The following LRRTM4 variants were observed in gnomAD, a reference collection of about 807,000 sequenced individuals.
The protein encoded by LRRTM4 is leucine rich repeat transmembrane neuronal 4.
LRRTM4 carries 25 observed loss-of-function variants against 47.6 expected under a neutral mutation model. The ratio of observed to expected loss-of-function variants is 0.53; its 90% CI spans 0.38 to 0.73. LRRTM4 has a LOEUF of 0.73. Among genes scored for constraint, LRRTM4 ranks in the 30% least tolerant of loss-of-function variants. The pLI is 0.00. For synonymous variants in LRRTM4, 311 were observed against 269.5 expected (o/e 1.15, Z -1.51); for missense variants, 638 against 713.4 (o/e 0.89, Z 1.20).
chr2:77,324,365 T>C (rs1298493565), intron 3 of LRRTM4, among the ~76,000 whole-genome samples: 1 of 152,142 alleles, frequency 6.6e-6, no homozygotes, highest in East Asian at 1.9e-4. Context: ...TAAGCTCATA[T>C]GCACACAAAT....
intron 3 of LRRTM4, among the ~76,000 whole-genome samples, chr2:77,008,185 T>A (rs1446703): frequency 0.43 from 65,766 of 151,976 alleles, 14,544 homozygotes; most frequent in East Asian, 0.66. Context: ...GCATATATTA[T>A]TCTCATCCCA....
chr2:77,034,016 C>T (rs115327878), intron 3 of LRRTM4, among the ~76,000 whole-genome samples: 2 of 151,434 alleles, frequency 1.3e-5, no homozygotes, highest in African/African-American at 2.4e-5. Context: ...GCTTAGTATA[C>T]CTTTATTATT....
chr2:76,787,311 C>G (rs555237899), intron 3 of LRRTM4, among the ~76,000 whole-genome samples: 2 of 152,128 alleles, frequency 1.3e-5, no homozygotes, highest in East Asian at 3.9e-4. Context: ...AAATATATAG[C>G]CTGCTATTAC....
intron 3 of LRRTM4, among the ~76,000 whole-genome samples, chr2:76,815,147 A>C (rs1670864030): frequency 6.6e-6 from 1 of 152,102 alleles, no homozygotes; most frequent in South Asian, 2.1e-4. Flanking sequence ...AAAAGAAATA[A>C]AATTTGTGAA....
chr2:77,084,012 A>G (rs986000405), intron 3 of LRRTM4, among the ~76,000 whole-genome samples: 3 of 151,662 alleles, frequency 2.0e-5, no homozygotes, highest in African/African-American at 7.3e-5. Flanking sequence ...TCACCATGTT[A>G]GCAAGGATGA....
intron 3 of LRRTM4, among the ~76,000 whole-genome samples, chr2:77,165,913 C>G (rs967712822): frequency 2.6e-5 from 4 of 152,190 alleles, no homozygotes; most frequent in Non-Finnish European, 2.9e-5. Flanking sequence ...GACAGGGATG[C>G]CCTCTCTCAC....
intron 3 of LRRTM4, among the ~76,000 whole-genome samples, chr2:76,774,334 G>GT (rs1673860614): frequency 6.6e-6 from 1 of 151,810 alleles, no homozygotes. Flanking sequence ...TGGGATTACA[G>GT]GCACGTGCCA....
At chr2:77,064,785 T>C (rs1314809793) in intron 3 of LRRTM4, among the ~76,000 whole-genome samples, 2 of 152,142 alleles carry the variant, frequency 1.3e-5, no homozygotes, top group African/African-American at 4.8e-5. Flanking sequence ...TTGTCACAGA[T>C]TGGGGGGACT....
At chr2:76,871,438 T>C (rs1054495267) in intron 3 of LRRTM4, among the ~76,000 whole-genome samples, 8 of 152,152 alleles carry the variant, frequency 5.3e-5, no homozygotes, top group African/African-American at 1.9e-4. Context: ...GCAATCTAAA[T>C]AGCCTTACCA....
chr2:76,818,449 C>A (rs1670962169), intron 3 of LRRTM4, among the ~76,000 whole-genome samples: 1 of 151,796 alleles, frequency 6.6e-6, no homozygotes, highest in Non-Finnish European at 1.5e-5. Context: ...AATGTCTCAA[C>A]TAAAATGGTC....
intron 3 of LRRTM4, among the ~76,000 whole-genome samples, chr2:76,847,155 G>T (rs1206196414): frequency 4.6e-5 from 7 of 152,092 alleles, no homozygotes; most frequent in Admixed American, 4.6e-4. Context: ...AACTGTTTCA[G>T]GGAAAGCTCG....
chr2:76,875,057 T>C (rs1357766259), intron 3 of LRRTM4, among the ~76,000 whole-genome samples: 9 of 152,120 alleles, frequency 5.9e-5, no homozygotes, highest in Non-Finnish European at 1.2e-4. Context: ...GAAGTCATTT[T>C]AATGTCTATA....
intron 3 of LRRTM4, among the ~76,000 whole-genome samples, chr2:77,399,960 T>C (rs1673876226): frequency 6.6e-6 from 1 of 151,848 alleles, no homozygotes; most frequent in Non-Finnish European, 1.5e-5. Flanking sequence ...GTAAGGCACT[T>C]TAAACTCGCT....
chr2:77,304,330 G>C (rs76768476), intron 3 of LRRTM4, among the ~76,000 whole-genome samples: 5,465 of 152,116 alleles, frequency 0.036, 334 homozygotes, highest in African/African-American at 0.12. Context: ...TTGAATTCCT[G>C]ATTTTGTTTG....
At chr2:76,974,173 CATATATATACATACAT>C (rs1676322752) in intron 3 of LRRTM4, among the ~76,000 whole-genome samples, 1 of 130,346 alleles carries the variant, frequency 7.7e-6, no homozygotes, top group African/African-American at 3.0e-5. Context: ...TATATACATA[CATATATATACATACAT>C]ATATATACAT....
chr2:77,005,360 G>T (rs1251475507), intron 3 of LRRTM4, among the ~76,000 whole-genome samples: 1 of 152,164 alleles, frequency 6.6e-6, no homozygotes, highest in Non-Finnish European at 1.5e-5. Flanking sequence ...GGTCAGGCTG[G>T]TCTTGAACTC....
chr2:77,282,161 G>T (rs917481091), intron 3 of LRRTM4, among the ~76,000 whole-genome samples: 1 of 151,700 alleles, frequency 6.6e-6, no homozygotes, highest in Admixed American at 6.6e-5. Context: ...TCACCTCCTT[G>T]GTTAGATTTA....
At chr2:77,198,071 C>A (rs10183555) in intron 3 of LRRTM4, among the ~76,000 whole-genome samples, 30,189 of 152,108 alleles carry the variant, frequency 0.2, 5,778 homozygotes, top group African/African-American at 0.49. Context: ...ATTCTCAAAA[C>A]CTCAGTAGTT....
intron 3 of LRRTM4, among the ~76,000 whole-genome samples, chr2:77,113,146 C>T (rs937686368): frequency 6.6e-6 from 1 of 152,026 alleles, no homozygotes; most frequent in African/African-American, 2.4e-5. Context: ...GAGAAGTCAT[C>T]GGAGCCTGTG....
Sources: allele counts gnomAD v4.1 joint callset (sites outside exome capture counted in the v4.1 genomes callset), GRCh38; gene constraint gnomAD v4.1.1; transcripts MANE v1.5; gene names NCBI Gene and HGNC (gene_info 2026-07-23, HGNC 2026-07-21).